The following CENPP variants were observed in gnomAD, a reference collection of about 807,000 sequenced individuals.
The protein encoded by CENPP is centromere protein P.
Under a neutral mutation model 35.6 loss-of-function variants are expected in CENPP, and 24 were observed. That is an observed-to-expected ratio of 0.67 (90% CI 0.49 to 0.95). The LOEUF (loss-of-function observed/expected upper bound fraction) is 0.95, where lower values mean the gene tolerates loss of function less well. CENPP is among the 40% of genes least tolerant of loss of function. The probability of loss-of-function intolerance (pLI) is 0.00; values close to 1 mark genes in which losing one functional copy is unlikely to be tolerated. For missense variants in CENPP, 332 were observed against 345.3 expected, an observed-to-expected ratio of 0.96 and a Z score of 0.31; for synonymous variants, 120 against 125.5, an observed-to-expected ratio of 0.96 and a Z score of 0.29.
intron 5 of CENPP, among the ~76,000 whole-genome samples, chr9:92,546,331 G>C (rs1030617468): frequency 9.2e-5 from 14 of 152,250 alleles, no homozygotes; most frequent in East Asian, 5.8e-4. Flanking sequence ...ACCCACCAGA[G>C]GTCCCCTTCC....
chr9:92,518,557 T>G lies in CENPP; in HGVS notation c.565-92757T>G, dbSNP rs140279066. 1.7e-3 allele frequency among the ~76,000 whole-genome samples: 254 copies of G among 152,330 alleles called. 2 individuals carry two copies. The highest frequency in any genetic ancestry group is 1.5e-4 in the Non-Finnish European group (10 of 68,018). On this transcript the variant is annotated intron_variant, in intron 5 of 7. Transcript: ENST00000375587. Reference sequence around the variant, plus strand: ...GAGCTATGTCTTTTATGGTTTATTATGCTATTGAAATATGATTCACATACT... The same window carrying G: ...GAGCTATGTCTTTTATGGTTTATTAGGCTATTGAAATATGATTCACATACT...
chr9:92,491,197 C>G (rs549373582), intron 5 of CENPP, among the ~76,000 whole-genome samples: 106 of 152,242 alleles, frequency 7.0e-4, no homozygotes, highest in African/African-American at 2.4e-3. Flanking sequence ...ACTAATAATT[C>G]CAGATAATCA....
At chr9:92,493,198 A>T (rs144654401) in intron 5 of CENPP, among the ~76,000 whole-genome samples, 11 of 152,330 alleles carry the variant, frequency 7.2e-5, no homozygotes, top group Non-Finnish European at 1.5e-4. Flanking sequence ...CTTTCTGATG[A>T]GAGCAAAGCT....
chr9:92,492,765 C>T (rs1025313638), intron 5 of CENPP, among the ~76,000 whole-genome samples: 1 of 152,148 alleles, frequency 6.6e-6, no homozygotes, highest in African/African-American at 2.4e-5. Context: ...AGGAGGAGCA[C>T]CAGCCTCAGA....
At chr9:92,503,076 G>A (rs2131160494) in intron 5 of CENPP, among the ~76,000 whole-genome samples, 1 of 151,950 alleles carries the variant, frequency 6.6e-6, no homozygotes, top group South Asian at 2.1e-4. Context: ...CCAAAGTGCT[G>A]GAATTACAGG....
In CENPP at chr9:92,616,145, A is replaced by T; in HGVS notation, c.*2996A>T. ...TCTCTCTCCCTTTCTTCTTTCAACT[A>T]GTATGTTTTTATGTTTTTTCTTTGA... On this transcript the variant is annotated 3_prime_UTR_variant, in exon 8 of 8. Coordinates refer to ENST00000375587, the MANE Select transcript of CENPP (RefSeq NM_001012267.3). The T allele has an allele frequency of 1.1e-6, 1 of 883,866 alleles. No homozygotes were observed. The highest frequency in any genetic ancestry group is 1.7e-6 in the Non-Finnish European group (1 of 572,228). The allele number at this position is 883,866 out of a possible 1,614,324, so 54.8% of individuals were successfully genotyped here. A position where few individuals can be genotyped will look rare whatever the true frequency, so the allele number is the denominator to read the frequency against.
intron 5 of CENPP, chr9:92,460,516 G>T: frequency 6.2e-7 from 1 of 1,607,262 alleles, no homozygotes; most frequent in Non-Finnish European, 8.5e-7. Context: ...AAGTTCCACT[G>T]TTGAAATTTT....
At chr9:92,377,444 G>T (rs1246628376) in intron 4 of CENPP, among the ~76,000 whole-genome samples, 1 of 152,164 alleles carries the variant, frequency 6.6e-6, no homozygotes, top group African/African-American at 2.4e-5. Context: ...TCAGGATTAG[G>T]TTCTCAGGCT....
At chr9:92,517,656 A>C (rs1304082383) in intron 5 of CENPP, 1 of 1,613,024 alleles carries the variant, frequency 6.2e-7, no homozygotes, top group Admixed American at 1.7e-5. Context: ...TTAATCACAC[A>C]CTGATATTTT....
intron 5 of CENPP, chr9:92,505,383 G>A (rs920438009): frequency 7.2e-6 from 5 of 690,600 alleles, no homozygotes; most frequent in Admixed American, 3.7e-5. Context: ...ATTGCTTGAA[G>A]AAAAAACAAT....
chr9:92,551,491 C>T (rs948114179), intron 5 of CENPP, among the ~76,000 whole-genome samples: 1 of 152,066 alleles, frequency 6.6e-6, no homozygotes, highest in African/African-American at 2.4e-5. Context: ...GCACATACCA[C>T]CACACCTGGC....
chr9:92,387,332 T>G (rs1371320321), intron 5 of CENPP, among the ~76,000 whole-genome samples: 1 of 150,162 alleles, frequency 6.7e-6, no homozygotes, highest in Non-Finnish European at 1.5e-5. Context: ...GCCGAGATTG[T>G]GCCACTGCAC....
intron 5 of CENPP, among the ~76,000 whole-genome samples, chr9:92,390,464 TATCTTA>T (rs1408725072): frequency 3.3e-5 from 5 of 152,206 alleles, no homozygotes; most frequent in African/African-American, 9.6e-5. Context: ...CTGAGTATGT[TATCTTA>T]ATCTTAATCT....
intron 4 of CENPP, among the ~76,000 whole-genome samples, chr9:92,352,467 C>CTCTGTGTG (rs1554753056): frequency 1.4e-5 from 1 of 71,380 alleles, no homozygotes; most frequent in African/African-American, 9.8e-5. Flanking sequence ...TGCTTAAAGC[C>CTCTGTGTG]TGTGTGTGTG....
intron 5 of CENPP, among the ~76,000 whole-genome samples, chr9:92,432,672 A>G (rs557410764): frequency 6.6e-6 from 1 of 152,336 alleles, no homozygotes; most frequent in Non-Finnish European, 1.5e-5. Context: ...ACAGAAGCAA[A>G]GTCCCAAAAT....
At chr9:92,329,601 T>C (rs1311741854) in intron 1 of CENPP, among the ~76,000 whole-genome samples, 1 of 152,038 alleles carries the variant, frequency 6.6e-6, no homozygotes, top group Non-Finnish European at 1.5e-5. Context: ...GTGGCATGAT[T>C]ATGACTCACT....
At chr9:92,440,346 A>AAAATAAAT (rs58516284) in intron 5 of CENPP, among the ~76,000 whole-genome samples, 23,957 of 142,316 alleles carry the variant, frequency 0.17, 2,200 homozygotes, top group African/African-American at 0.23. Flanking sequence ...CTGATGAGTT[A>AAAATAAAT]AAATAAATAA....
intron 5 of CENPP, chr9:92,416,687 T>A (rs1307036913): frequency 6.2e-7 from 1 of 1,611,608 alleles, no homozygotes; most frequent in South Asian, 1.1e-5. Context: ...TTGCTTCAAT[T>A]TGTTGTGTCC....
chr9:92,474,832 TGAAGGGCTAAA>T (rs1218966748), intron 5 of CENPP: 1 of 1,613,910 alleles, frequency 6.2e-7, no homozygotes, highest in Non-Finnish European at 8.5e-7. Context: ...GTGCGATGTG[TGAAGGGCTAAA>T]GAAGGGTTTG....
Sources: gnomAD v4.1 joint callset for allele counts (sites outside exome capture counted in the v4.1 genomes callset) on GRCh38, gnomAD v4.1.1 for gene constraint, MANE v1.5 for transcripts, NCBI Gene and HGNC (gene_info 2026-07-23, HGNC 2026-07-21) for gene names.